LSAMP: variants seen among roughly 807,000 people sequenced by gnomAD.
LSAMP encodes the protein limbic system-associated membrane protein.
Under a neutral mutation model 38.6 loss-of-function variants are expected in LSAMP, and 7 were observed. The ratio of observed to expected loss-of-function variants is 0.18; its 90% CI spans 0.10 to 0.34. The LOEUF (loss-of-function observed/expected upper bound fraction) is 0.34. Among genes scored for constraint, LSAMP ranks in the 10% least tolerant of loss-of-function variants. The pLI is 1.00. For synonymous variants in LSAMP, 154 were observed against 166.8 expected (o/e 0.92, Z 0.59); for missense variants, 313 against 420.0 (o/e 0.75, Z 2.23).
chr3:116,286,726 C>G (rs908887520), intron 1 of LSAMP, among the ~76,000 whole-genome samples: 1 of 152,094 alleles, frequency 6.6e-6, no homozygotes, highest in African/African-American at 2.4e-5. Context: ...AAAAGTTACA[C>G]AAATCATCTG....
intron 1 of LSAMP, among the ~76,000 whole-genome samples, chr3:116,338,452 A>G (rs1319715708): frequency 6.6e-6 from 1 of 152,048 alleles, no homozygotes. Flanking sequence ...GGATAGTAGT[A>G]GACATCTCCA....
intron 1 of LSAMP, among the ~76,000 whole-genome samples, chr3:116,212,691 G>C (rs1046765352): frequency 6.6e-6 from 1 of 152,160 alleles, no homozygotes; most frequent in Non-Finnish European, 1.5e-5. Context: ...ATCAAAACTT[G>C]TTTTGGAGTT....
intron 1 of LSAMP, among the ~76,000 whole-genome samples, chr3:116,382,659 AT>A (rs1232993721): frequency 1.3e-5 from 2 of 152,100 alleles, no homozygotes; most frequent in Admixed American, 1.3e-4. Context: ...TAATAAAAAA[AT>A]AAAATAAAAT....
intron 1 of LSAMP, among the ~76,000 whole-genome samples, chr3:116,345,387 G>C (rs73861635): frequency 0.021 from 3,181 of 152,168 alleles, 115 homozygotes; most frequent in African/African-American, 0.074. Context: ...CTCAGAGCAG[G>C]GGTCATCTGG....
chr3:116,056,143 T>C (rs949306527), intron 2 of LSAMP, among the ~76,000 whole-genome samples: 10 of 152,216 alleles, frequency 6.6e-5, no homozygotes, highest in Non-Finnish European at 1.5e-4. Flanking sequence ...ATTTATTTAT[T>C]TATTTACTTT....
At chr3:116,433,003 TG>T (rs1553735828) in intron 1 of LSAMP, among the ~76,000 whole-genome samples, 1 of 152,176 alleles carries the variant, frequency 6.6e-6, no homozygotes, top group Non-Finnish European at 1.5e-5. Context: ...TTGTATAAGG[TG>T]ACAGCGATCT....
At chr3:116,175,713 TCTTAAAAAAAGAGACTG>T (rs1382566210) in intron 1 of LSAMP, among the ~76,000 whole-genome samples, 1 of 151,992 alleles carries the variant, frequency 6.6e-6, no homozygotes, top group Non-Finnish European at 1.5e-5. Flanking sequence ...CCCTTTTTTT[TCTTAAAAAAAGAGACTG>T]GGTCAAAGTG....
chr3:116,178,547 TACAG>T (rs1257386655), intron 1 of LSAMP, among the ~76,000 whole-genome samples: 1 of 151,978 alleles, frequency 6.6e-6, no homozygotes, highest in East Asian at 1.9e-4. Flanking sequence ...ACCAGCAACA[TACAG>T]AGAGAGTAGA....
intron 2 of LSAMP, among the ~76,000 whole-genome samples, chr3:116,037,503 G>T (rs1037490993): frequency 1.3e-5 from 2 of 152,056 alleles, no homozygotes; most frequent in African/African-American, 2.4e-5. Context: ...TCTCTCCATA[G>T]TTCAGTCTCT....
intron 1 of LSAMP, among the ~76,000 whole-genome samples, chr3:116,146,889 A>C (rs1709502612): frequency 6.6e-6 from 1 of 151,888 alleles, no homozygotes; most frequent in Non-Finnish European, 1.5e-5. Context: ...ACCTGTTTTT[A>C]TGATATTCAA....
intron 4 of LSAMP, among the ~76,000 whole-genome samples, chr3:115,845,700 T>A (rs1181402347): frequency 6.6e-6 from 1 of 152,166 alleles, no homozygotes; most frequent in African/African-American, 2.4e-5. Flanking sequence ...TAAGCTACTA[T>A]CTCTAGCCAC....
intron 1 of LSAMP, among the ~76,000 whole-genome samples, chr3:116,088,455 G>T (rs1037443579): frequency 5.3e-5 from 8 of 151,778 alleles, no homozygotes; most frequent in Non-Finnish European, 8.8e-5. Context: ...CTCTCTTGTG[G>T]CATCATTTCT....
intron 1 of LSAMP, among the ~76,000 whole-genome samples, chr3:116,427,713 A>G (rs1331808782): frequency 2.0e-5 from 3 of 152,190 alleles, no homozygotes; most frequent in Non-Finnish European, 4.4e-5. Context: ...AAGGAGCTCC[A>G]AAGCTAAGCT....
intron 1 of LSAMP, among the ~76,000 whole-genome samples, chr3:116,335,797 A>G (rs1158720701): frequency 6.6e-6 from 1 of 152,110 alleles, no homozygotes; most frequent in Non-Finnish European, 1.5e-5. Flanking sequence ...GTTTTATAAT[A>G]AAGTGTTGGA....
At chr3:116,355,689 T>C (rs1331761012) in intron 1 of LSAMP, among the ~76,000 whole-genome samples, 1 of 152,168 alleles carries the variant, frequency 6.6e-6, no homozygotes, top group Admixed American at 6.5e-5. Flanking sequence ...ACTATCCATC[T>C]GATAAGGGAT....
intron 1 of LSAMP, among the ~76,000 whole-genome samples, chr3:116,347,909 A>C (rs373087928): frequency 4.9e-4 from 75 of 152,286 alleles, no homozygotes; most frequent in African/African-American, 1.7e-3. Context: ...TGAGATGAAA[A>C]ATACTACTGC....
In LSAMP at chr3:116,248,490, T is replaced by A. The variant is rs893472233; in HGVS notation, c.156-161934A>T. ...ACCCTGTCTCTAATGTGTGTGTGTG[T>A]GTGTGTGTGTGTGTGTGTGTGTGTG... On this transcript the variant is annotated intron_variant, in intron 1 of 6. Transcript: ENST00000490035. Among the ~76,000 whole-genome samples, 174 of 116,430 alleles carry A rather than the reference T, an allele frequency of 1.5e-3. 1 individual carries two copies. The highest frequency in any genetic ancestry group is 7.0e-3 in the East Asian group (34 of 4,860). The allele number at this position is 116,430 out of a possible 152,430, so 76.4% of individuals were successfully genotyped here.
At chr3:116,402,137 C>T (rs1318786610) in intron 1 of LSAMP, among the ~76,000 whole-genome samples, 2 of 152,178 alleles carry the variant, frequency 1.3e-5, no homozygotes, top group African/African-American at 4.8e-5. Context: ...TGTGAAATAG[C>T]TGATATTGTG....
intron 1 of LSAMP, among the ~76,000 whole-genome samples, chr3:116,255,044 GC>G (rs2046732138): frequency 6.6e-6 from 1 of 152,058 alleles, no homozygotes; most frequent in Admixed American, 6.5e-5. Flanking sequence ...CAGTATTTCT[GC>G]CTGAGACATG....
Sources: allele counts gnomAD v4.1 joint callset (sites outside exome capture counted in the v4.1 genomes callset), GRCh38; gene constraint gnomAD v4.1.1; transcripts MANE v1.5; gene names NCBI Gene and HGNC (gene_info 2026-07-23, HGNC 2026-07-21).